The following OR2Z1 variants were observed in gnomAD, a reference collection of about 807,000 sequenced individuals.
OR2Z1 encodes olfactory receptor 2Z1.
For missense variants in OR2Z1, 449 were observed against 401.8 expected (o/e 1.12, Z -1.00); for synonymous variants, 188 against 160.6 (o/e 1.17, Z -1.29).
intron 2 of OR2Z1, among the ~76,000 whole-genome samples, chr19:8,730,306 A>G (rs2043346313): frequency 6.6e-6 from 1 of 152,018 alleles, no homozygotes; most frequent in African/African-American, 2.4e-5. Flanking sequence ...CTTCAGTTTC[A>G]TCATCCCGTT....
At chr19:8,726,166 C>G (rs981739206) in intron 2 of OR2Z1, among the ~76,000 whole-genome samples, 3 of 152,114 alleles carry the variant, frequency 2.0e-5, no homozygotes, top group Non-Finnish European at 4.4e-5. Flanking sequence ...AGGGTTTCAC[C>G]GTGTTGACCA....
chr19:8,728,976 A>G, intron 2 of OR2Z1: 1 of 697,116 alleles, frequency 1.4e-6, no homozygotes. Flanking sequence ...CGGCAACGTG[A>G]TGATTGCAGA....
Position 8,731,249 on chromosome 19 carries a change from C to A in OR2Z1, c.221C>A (p.Pro74His). The A allele has an allele frequency of 6.2e-7, 1 of 1,613,892 alleles. No individual in the cohort carries two copies. The highest frequency in any genetic ancestry group is 1.1e-5 in the South Asian group (1 of 91,076). The change falls in exon 3 of 3, where the codon CCC (proline) becomes CAC (histidine). Residue 74 changes from proline to histidine, a missense_variant. Transcript: ENST00000641125. ...CTCTCCCTGTTTGACATTGGCTGTC[C>A]CATGGTCACCATCCCCAAGATGGCA... ...SQLSLFDIGCPMVTIPKMASD... is the reference protein window; with the variant it reads ...SQLSLFDIGCHMVTIPKMASD...
intron 2 of OR2Z1, chr19:8,728,836 C>T: frequency 1.6e-6 from 1 of 637,844 alleles, no homozygotes; most frequent in South Asian, 1.4e-5. Flanking sequence ...AGGGTGTTGA[C>T]CTTGGCCACA....
In OR2Z1 at chr19:8,721,719, G is replaced by A. The variant is rs1303512569; in HGVS notation, c.-538G>A. ...AGGCTGGACCTCTAGATAGCAGAAGGTCACCCATGTTGACGTTCATTCCAA... is the reference window on the plus strand; with the variant it reads ...AGGCTGGACCTCTAGATAGCAGAAGATCACCCATGTTGACGTTCATTCCAA... On this transcript the variant is annotated 5_prime_UTR_variant, in exon 1 of 3. Transcript: ENST00000641125. 1 of 152,216 alleles carries A rather than the reference G, an allele frequency of 6.6e-6. No homozygotes were observed. Among genetic ancestry groups the A allele is most frequent in the Admixed American group, 6.5e-5 (1 of 15,272 alleles). The allele number at this position is 152,216 out of a possible 1,614,324, so 9.4% of individuals were successfully genotyped here. A position where few individuals can be genotyped will look rare whatever the true frequency, so the allele number is the denominator to read the frequency against.
At chr19:8,728,372 T>C (rs1170868916) in intron 2 of OR2Z1, among the ~76,000 whole-genome samples, 4 of 152,128 alleles carry the variant, frequency 2.6e-5, no homozygotes, top group African/African-American at 9.7e-5. Context: ...TAGTGTCTCA[T>C]AGTAGTCCTT....
At chr19:8,730,758 T>G (rs1460075289) in intron 2 of OR2Z1, 102 bp from the exon 3 acceptor site, 1 of 512,690 alleles carries the variant, frequency 2.0e-6, no homozygotes, top group South Asian at 2.3e-5. Flanking sequence ...TGGGTAGCTC[T>G]TCATTGGAGT....
At chr19:8,727,647 A>G (rs925019685) in intron 2 of OR2Z1, among the ~76,000 whole-genome samples, 11 of 152,212 alleles carry the variant, frequency 7.2e-5, no homozygotes, top group Non-Finnish European at 2.9e-5. Flanking sequence ...CGAGCTGATC[A>G]CTTGAGGTCA....
intron 2 of OR2Z1, among the ~76,000 whole-genome samples, chr19:8,724,807 CAGCTCTCAGAA>C (rs549295179): frequency 2.7e-4 from 41 of 152,202 alleles, no homozygotes; most frequent in Non-Finnish European, 4.4e-5. Context: ...AGGAGCTGCC[CAGCTCTCAGAA>C]AGCTCTCCTT....
chr19:8,728,972 C>T (rs782191344), intron 2 of OR2Z1: 21 of 691,608 alleles, frequency 3.0e-5, no homozygotes, highest in Non-Finnish European at 4.2e-5. Flanking sequence ...TCAGCGGCAA[C>T]GTGATGATTG....
intron 2 of OR2Z1, among the ~76,000 whole-genome samples, chr19:8,727,227 A>C (rs2145078177): frequency 6.6e-6 from 1 of 152,216 alleles, no homozygotes; most frequent in South Asian, 2.1e-4. Flanking sequence ...TACAGACGTG[A>C]GTCAGTGCAG....
chr19:8,728,999 G>A, intron 2 of OR2Z1: 1 of 762,400 alleles, frequency 1.3e-6, no homozygotes, highest in Non-Finnish European at 2.3e-6. Context: ...GGCCAAGCTT[G>A]TTTCTCCTGG....
rs199597814 is a variant in OR2Z1 at position 8,731,730 on chromosome 19, A to T, written c.702A>T (p.Arg234Ser). ...AVLSMRSEEA[R>S]HKAVTTCSSH... ...TAAGCATGCGCTCAGAGGAGGCCAG[A>T]CACAAGGCTGTCACCACCTGCTCCT... The change falls in exon 3 of 3, where the codon AGA (arginine) becomes AGT (serine). Residue 234 changes from arginine to serine, a missense_variant. Physicochemically the swap from Arg to Ser is moderately radical, Grantham distance 110. Transcript: ENST00000641125. The T allele has an allele frequency of 2.1e-5, 34 of 1,614,194 alleles. No individual in the cohort carries two copies. The Admixed American group carries it at 4.3e-4, about 21-fold the overall frequency.
In OR2Z1 at chr19:8,730,860, C is replaced by T. The variant is rs781787330; in HGVS notation, c.-169C>T. 4 of 613,400 alleles carry T rather than the reference C, an allele frequency of 6.5e-6. No individual in the cohort carries two copies. The highest frequency in any genetic ancestry group is 1.2e-5 in the Non-Finnish European group (4 of 347,150). The allele number at this position is 613,400 out of a possible 1,614,324, so 38.0% of individuals were successfully genotyped here. A position where few individuals can be genotyped will look rare whatever the true frequency, so the allele number is the denominator to read the frequency against. On this transcript the variant is annotated splice_region_variant and 5_prime_UTR_variant, in exon 3 of 3. Transcript: ENST00000641125. ...AACTGATTAAGTTTTCTCCCTCCAG[C>T]CTACTGATTCTAGCTGCAGCCTCAT...
intron 2 of OR2Z1, among the ~76,000 whole-genome samples, chr19:8,725,083 C>CA (rs1390556270): frequency 5.3e-5 from 8 of 152,150 alleles, no homozygotes; most frequent in Non-Finnish European, 1.0e-4. Context: ...GGCAGAGTTT[C>CA]ATCTCCTGGG....
chr19:8,727,501 A>T (rs1204682984), intron 2 of OR2Z1, among the ~76,000 whole-genome samples: 1 of 152,192 alleles, frequency 6.6e-6, no homozygotes, highest in African/African-American at 2.4e-5. Context: ...GCATGTATAC[A>T]TATGTAACAA....
chr19:8,729,883 C>T (rs1460025672), intron 2 of OR2Z1, among the ~76,000 whole-genome samples: 2 of 151,988 alleles, frequency 1.3e-5, no homozygotes, highest in Non-Finnish European at 2.9e-5. Flanking sequence ...AGCCACCATC[C>T]CCGGGCTCCA....
At chr19:8,722,823 A>C (rs1467216144) in intron 1 of OR2Z1, among the ~76,000 whole-genome samples, 1 of 152,148 alleles carries the variant, frequency 6.6e-6, no homozygotes, top group Non-Finnish European at 1.5e-5. Context: ...TGGGAAACAT[A>C]GCAAGACCGC....
chr19:8,728,672 G>A (rs1303851871), intron 2 of OR2Z1: 1 of 501,268 alleles, frequency 2.0e-6, no homozygotes, highest in Non-Finnish European at 3.8e-6. Context: ...GTACCCAATA[G>A]GTAGTTTTTT....
Sources: allele counts gnomAD v4.1 joint callset (sites outside exome capture counted in the v4.1 genomes callset), GRCh38; gene constraint gnomAD v4.1.1; transcripts MANE v1.5; gene names NCBI Gene and HGNC (gene_info 2026-07-23, HGNC 2026-07-21).